The following PARD3B variants were observed in gnomAD, a reference collection of about 807,000 sequenced individuals.
PARD3B encodes partitioning defective 3 homolog B.
Under a neutral mutation model 130.2 loss-of-function variants are expected in PARD3B, and 103 were observed. The ratio of observed to expected loss-of-function variants is 0.79; its 90% CI spans 0.67 to 0.93. The LOEUF (loss-of-function observed/expected upper bound fraction) is 0.93. Ranked by LOEUF, PARD3B falls within the 40% of genes least tolerant of loss-of-function variation. PARD3B has a pLI of 0.00. For synonymous variants in PARD3B, 583 were observed against 553.2 expected (o/e 1.05, Z -0.76); for missense variants, 1,609 against 1,499.2 (o/e 1.07, Z -1.21).
At chr2:205,151,833 T>C (rs2033778735) in intron 10 of PARD3B, among the ~76,000 whole-genome samples, 1 of 152,252 alleles carries the variant, frequency 6.6e-6, no homozygotes, top group Admixed American at 6.5e-5. Context: ...TGCCCATTAG[T>C]TGATGCAGTT....
At chr2:204,761,798 G>T (rs565832687) in intron 2 of PARD3B, among the ~76,000 whole-genome samples, 4 of 152,212 alleles carry the variant, frequency 2.6e-5, no homozygotes, top group African/African-American at 9.6e-5. Flanking sequence ...ATGTCAAACA[G>T]TGATTTATCT....
At chr2:205,001,537 G>A (rs369018492) in intron 3 of PARD3B, among the ~76,000 whole-genome samples, 3 of 152,172 alleles carry the variant, frequency 2.0e-5, no homozygotes, top group East Asian at 3.8e-4. Context: ...GACAGGCACC[G>A]TCAGCTGAAG....
intron 2 of PARD3B, among the ~76,000 whole-genome samples, chr2:204,779,227 C>T (rs182972157): frequency 1.3e-5 from 2 of 152,150 alleles, no homozygotes; most frequent in African/African-American, 4.8e-5. Flanking sequence ...ACTTTACCTT[C>T]TCTATATAAT....
chr2:205,060,816 T>C (rs1340014739), intron 4 of PARD3B, among the ~76,000 whole-genome samples: 1 of 152,174 alleles, frequency 6.6e-6, no homozygotes, highest in Non-Finnish European at 1.5e-5. Context: ...TATTTTTAGC[T>C]TCTCAACTAA....
chr2:205,149,016 G>A (rs988884831), intron 10 of PARD3B, among the ~76,000 whole-genome samples: 4 of 152,140 alleles, frequency 2.6e-5, no homozygotes, highest in Non-Finnish European at 4.4e-5. Context: ...GGCTTTGAAA[G>A]GCTGGGTTAT....
At chr2:205,582,236 C>T (rs547121039) in intron 22 of PARD3B, among the ~76,000 whole-genome samples, 1 of 152,278 alleles carries the variant, frequency 6.6e-6, no homozygotes, top group East Asian at 1.9e-4. Flanking sequence ...GGCTAACACA[C>T]CTGCCCTGGT....
intron 16 of PARD3B, among the ~76,000 whole-genome samples, chr2:205,289,661 T>A (rs1297970882): frequency 6.6e-6 from 1 of 151,878 alleles, no homozygotes; most frequent in Admixed American, 6.6e-5. Context: ...GGTGGGACCT[T>A]TGGGAGATGA....
chr2:205,168,303 G>C (rs1034125164), intron 11 of PARD3B, among the ~76,000 whole-genome samples: 32 of 124,176 alleles, frequency 2.6e-4, no homozygotes, highest in African/African-American at 7.7e-4. Flanking sequence ...GAGAGAGAGA[G>C]AGAGAGAGAG....
chr2:204,922,797 A>G (rs2047733721), intron 2 of PARD3B, among the ~76,000 whole-genome samples: 2 of 152,124 alleles, frequency 1.3e-5, no homozygotes, highest in Admixed American at 6.6e-5. Context: ...AAATATTACA[A>G]TGTTTGTGTC....
At chr2:204,546,178 C>G in intron 1 of PARD3B, 59 bp downstream of exon 1, 1 of 1,545,804 alleles carries the variant, frequency 6.5e-7, no homozygotes, top group Non-Finnish European at 8.7e-7. Context: ...CCAGGTGCGA[C>G]CCGGTGGCGA....
rs1432417458 is a variant in PARD3B, at chr2:204,760,994, C to T, written c.222+74712C>T. Among the ~76,000 whole-genome samples, 11 of 152,310 alleles carry T rather than the reference C, an allele frequency of 7.2e-5. No homozygotes were observed. The East Asian group carries it at 1.3e-3, about 19-fold the overall frequency. On this transcript the variant is annotated intron_variant, in intron 2 of 22. Coordinates refer to ENST00000406610, the MANE Select transcript of PARD3B (RefSeq NM_001302769.2). ...TCTATATGCCAGTATTTGCACTAGA[C>T]ATTTTACAGATATTCTTTTATTTAA...
chr2:204,875,355 A>ATAG (rs2125656288), intron 2 of PARD3B, among the ~76,000 whole-genome samples: 1 of 152,340 alleles, frequency 6.6e-6, no homozygotes, highest in South Asian at 2.1e-4. Flanking sequence ...CACCTTAAGC[A>ATAG]TAGTGATGGT....
At chr2:204,795,910 T>C (rs1012838324) in intron 2 of PARD3B, among the ~76,000 whole-genome samples, 1 of 152,206 alleles carries the variant, frequency 6.6e-6, no homozygotes, top group Non-Finnish European at 1.5e-5. Context: ...ATCCTGTCAT[T>C]TTTGTCTTGT....
chr2:205,382,807 C>T (rs1302787095), intron 18 of PARD3B, among the ~76,000 whole-genome samples: 2 of 151,996 alleles, frequency 1.3e-5, no homozygotes, highest in Admixed American at 6.6e-5. Context: ...TTTTGTTGCT[C>T]AGATTATTCA....
rs112790567 is a variant in PARD3B at position 205,587,187 on chromosome 2, G to A, written c.3261-28269G>A. 4.7e-3 allele frequency among the ~76,000 whole-genome samples: 719 copies of A among 152,238 alleles called. 7 individuals carry two copies. Among genetic ancestry groups the A allele is most frequent in the African/African-American group, 0.016 (673 of 41,544 alleles). Reference sequence around the variant, plus strand: ...ATCATAGGTCTCAAAGAGCTAATGCGGTATTTGAATGAGTCATTGCATCTT... The same window carrying A: ...ATCATAGGTCTCAAAGAGCTAATGCAGTATTTGAATGAGTCATTGCATCTT... On this transcript the variant is annotated intron_variant, in intron 22 of 22. Coordinates refer to ENST00000406610, the MANE Select transcript of PARD3B (RefSeq NM_001302769.2).
At chr2:205,359,952 A>AT (rs1350739599) in intron 18 of PARD3B, among the ~76,000 whole-genome samples, 1 of 152,180 alleles carries the variant, frequency 6.6e-6, no homozygotes, top group Non-Finnish European at 1.5e-5. Flanking sequence ...GGATAAATGC[A>AT]TTTTTTAAAT....
chr2:205,599,608 T>C (rs1162236731), intron 22 of PARD3B, among the ~76,000 whole-genome samples: 1 of 152,208 alleles, frequency 6.6e-6, no homozygotes, highest in Non-Finnish European at 1.5e-5. Flanking sequence ...ATGTTGGTTT[T>C]GTAGAGTCTC....
At chr2:205,040,814 T>A (rs1054818630) in intron 3 of PARD3B, among the ~76,000 whole-genome samples, 1 of 152,082 alleles carries the variant, frequency 6.6e-6, no homozygotes, top group Non-Finnish European at 1.5e-5. Context: ...AAGGAGAGTG[T>A]GTTTTTTTTT....
chr2:204,919,160 C>T (rs1439648213), intron 2 of PARD3B, among the ~76,000 whole-genome samples: 1 of 152,084 alleles, frequency 6.6e-6, no homozygotes, highest in Admixed American at 6.5e-5. Context: ...TTTTTTTATG[C>T]ATTTCCAAGT....
Sources: gnomAD v4.1 joint callset for allele counts (sites outside exome capture counted in the v4.1 genomes callset) on GRCh38, gnomAD v4.1.1 for gene constraint, MANE v1.5 for transcripts, NCBI Gene and HGNC (gene_info 2026-07-23, HGNC 2026-07-21) for gene names.